The following CHRM3 variants were observed in gnomAD, a reference collection of about 807,000 sequenced individuals.
CHRM3 encodes muscarinic acetylcholine receptor M3.
CHRM3 carries 11 observed loss-of-function variants against 41.8 expected under a neutral mutation model. The observed-to-expected ratio is 0.26, with a 90% CI of 0.17 to 0.44. CHRM3 has a LOEUF of 0.44. Ranked by LOEUF, CHRM3 falls within the 20% of genes least tolerant of loss-of-function variation. The probability of loss-of-function intolerance (pLI) is 1.00; values close to 1 mark genes in which losing one functional copy is unlikely to be tolerated. For synonymous variants in CHRM3, 297 were observed against 301.4 expected (o/e 0.99, Z 0.15); for missense variants, 571 against 745.4 (o/e 0.77, Z 2.72).
intron 5 of CHRM3, among the ~76,000 whole-genome samples, chr1:239,684,674 A>G (rs1056928119): frequency 3.3e-5 from 5 of 150,832 alleles, no homozygotes; most frequent in Non-Finnish European, 7.4e-5. Context: ...AAGAAAGAAA[A>G]AAAGGAAGGA....
intron 5 of CHRM3, among the ~76,000 whole-genome samples, chr1:239,808,863 G>A (rs1475616470): frequency 1.3e-5 from 2 of 152,090 alleles, no homozygotes; most frequent in South Asian, 2.1e-4. Context: ...TATTGAAAAG[G>A]CCTATTTAGA....
rs201425358 is a variant in CHRM3 at position 239,907,582 on chromosome 1, G to A, written c.131G>A (p.Arg44Gln). 76 of 1,614,098 alleles carry A rather than the reference G, an allele frequency of 4.7e-5. No individual in the cohort carries two copies. The highest frequency in any genetic ancestry group is 4.6e-4 in the South Asian group (42 of 91,068). The change falls in exon 7 of 7, where the codon CGA (arginine) becomes CAA (glutamine). Residue 44 changes from arginine (R) to glutamine (Q), a missense_variant. Around this residue, in one of 5 missense-constraint regions of CHRM3, gnomAD observed 92 missense variants for 76.1 expected, o/e 1.21. Coordinates refer to ENST00000676153, the MANE Select transcript of CHRM3 (RefSeq NM_001375978.1). This position sits in a 1 kb window ranked among gnomAD's most constrained non-coding sequence, Gnocchi z 5.4. ...VTHFGSYNVS[R>Q]AAGNFSSPDG... ...CATTTCGGCAGCTACAATGTTTCTC[G>A]AGCAGCTGGCAATTTCTCCTCTCCA...
At chr1:239,865,199 G>A (rs1675987349) in intron 6 of CHRM3, among the ~76,000 whole-genome samples, 1 of 152,118 alleles carries the variant, frequency 6.6e-6, no homozygotes, top group African/African-American at 2.4e-5. Flanking sequence ...ATATTGTTAT[G>A]GGAGAAAAGC....
chr1:239,642,388 C>G (rs1303867674), intron 4 of CHRM3, among the ~76,000 whole-genome samples: 4 of 152,130 alleles, frequency 2.6e-5, no homozygotes, highest in Non-Finnish European at 5.9e-5. Context: ...TTCTCCCCGT[C>G]ACTTTCAGGT....
intron 6 of CHRM3, among the ~76,000 whole-genome samples, chr1:239,862,527 G>GA (rs555489615): frequency 9.9e-4 from 149 of 150,914 alleles, no homozygotes; most frequent in Non-Finnish European, 1.7e-3. Flanking sequence ...AGTAGAACAT[G>GA]AAAAAAAAAG....
chr1:239,788,764 T>G (rs973876271), intron 5 of CHRM3, among the ~76,000 whole-genome samples: 1 of 152,030 alleles, frequency 6.6e-6, no homozygotes, highest in African/African-American at 2.4e-5. Flanking sequence ...AGAATCTGTC[T>G]CAAAAACAAA....
intron 2 of CHRM3, among the ~76,000 whole-genome samples, chr1:239,497,358 A>G (rs1667951332): frequency 6.6e-6 from 1 of 152,196 alleles, no homozygotes; most frequent in African/African-American, 2.4e-5. Context: ...GTGACGGGGC[A>G]GCACAGCACC....
intron 3 of CHRM3, among the ~76,000 whole-genome samples, chr1:239,553,189 A>G (rs1660034331): frequency 6.6e-6 from 1 of 152,164 alleles, no homozygotes; most frequent in Non-Finnish European, 1.5e-5. Flanking sequence ...TCACCACTAT[A>G]GGACAGACAC....
At chr1:239,711,953 C>G (rs1370726169) in intron 5 of CHRM3, among the ~76,000 whole-genome samples, 1 of 152,164 alleles carries the variant, frequency 6.6e-6, no homozygotes, top group Non-Finnish European at 1.5e-5. Flanking sequence ...TTAGCTATAG[C>G]TAGATCCATA....
At chr1:239,622,977 G>A (rs1377795949) in intron 3 of CHRM3, among the ~76,000 whole-genome samples, 3 of 151,688 alleles carry the variant, frequency 2.0e-5, no homozygotes, top group Non-Finnish European at 4.4e-5. Flanking sequence ...TGAAAAAATT[G>A]CCACAGCCTC....
intron 5 of CHRM3, among the ~76,000 whole-genome samples, chr1:239,804,686 A>C (rs1670489711): frequency 6.6e-6 from 1 of 152,190 alleles, no homozygotes; most frequent in Non-Finnish European, 1.5e-5. Context: ...GTTCATCCCC[A>C]AATCCTGCAA....
At chr1:239,865,265 T>G (rs1167995765) in intron 6 of CHRM3, among the ~76,000 whole-genome samples, 1 of 152,200 alleles carries the variant, frequency 6.6e-6, no homozygotes, top group African/African-American at 2.4e-5. Flanking sequence ...ACACTCCATC[T>G]GTGTATAAAG....
At chr1:239,608,994 T>G (rs1407671205) in intron 3 of CHRM3, among the ~76,000 whole-genome samples, 2 of 152,216 alleles carry the variant, frequency 1.3e-5, no homozygotes, top group African/African-American at 4.8e-5. Flanking sequence ...ATTGATATAC[T>G]ATATACTGCA....
chr1:239,630,700 C>T (rs932919027), intron 3 of CHRM3, among the ~76,000 whole-genome samples: 1 of 152,024 alleles, frequency 6.6e-6, no homozygotes, highest in Non-Finnish European at 1.5e-5. Flanking sequence ...ATATTATTTC[C>T]TGAGAATGTG....
At chr1:239,426,134 C>A (rs542963542) in intron 1 of CHRM3, among the ~76,000 whole-genome samples, 1 of 17,412 alleles carries the variant, frequency 5.7e-5, no homozygotes, top group Non-Finnish European at 1.5e-4. Flanking sequence ...TGCTATCCCT[C>A]CCCCCTCCCC....
At position 239,393,906 on chromosome 1, in the gene CHRM3, A is replaced by C. The variant is rs1009025494; in HGVS notation, c.-521+6679A>C. On this transcript the variant is annotated intron_variant, in intron 1 of 6. Transcript: ENST00000676153. ...TTTGAGTAGAATGAGTAAATGACTC[A>C]ATCATTCCATCTATCTACCTATCAA... Among the ~76,000 whole-genome samples the C allele has an allele frequency of 2.0e-5, 3 of 152,188 alleles. No individual in the cohort carries two copies. The East Asian group carries it at 5.8e-4, about 29-fold the overall frequency.
intron 6 of CHRM3, among the ~76,000 whole-genome samples, chr1:239,889,549 T>C (rs1678370601): frequency 6.6e-6 from 1 of 152,122 alleles, no homozygotes; most frequent in Admixed American, 6.5e-5. Flanking sequence ...CTGCTTTTTA[T>C]TAGAAAAAAA....
chr1:239,439,274 C>T (rs144077276), intron 1 of CHRM3, among the ~76,000 whole-genome samples: 74 of 152,286 alleles, frequency 4.9e-4, no homozygotes, highest in African/African-American at 1.7e-3. Flanking sequence ...AGATAGTAAC[C>T]ATCTCCTGAC....
intron 5 of CHRM3, among the ~76,000 whole-genome samples, chr1:239,819,612 A>C (rs1259176129): frequency 6.6e-6 from 1 of 152,262 alleles, no homozygotes; most frequent in Non-Finnish European, 1.5e-5. Flanking sequence ...ATCAGGTAAT[A>C]ACATGAGATG....
Sources: allele counts gnomAD v4.1 joint callset (sites outside exome capture counted in the v4.1 genomes callset), GRCh38; gene constraint gnomAD v4.1.1; regional missense constraint gnomAD v4.1.1; non-coding constraint Gnocchi (gnomAD v3.1); transcripts MANE v1.5; gene names NCBI Gene and HGNC (gene_info 2026-07-23, HGNC 2026-07-21).